DHX32: variants seen among roughly 807,000 people sequenced by gnomAD.
DHX32 encodes putative pre-mRNA-splicing factor ATP-dependent RNA helicase DHX32.
DHX32 carries 51 observed loss-of-function variants against 70.0 expected under a neutral mutation model. That is an observed-to-expected ratio of 0.73 (90% CI 0.58 to 0.92). The LOEUF (loss-of-function observed/expected upper bound fraction) is 0.92, where lower values mean the gene tolerates loss of function less well. Ranked by LOEUF, DHX32 falls within the 40% of genes least tolerant of loss-of-function variation. DHX32 has a pLI of 0.00. For synonymous variants in DHX32, 310 were observed against 315.3 expected (o/e 0.98, Z 0.18); for missense variants, 762 against 891.8 (o/e 0.85, Z 1.85).
chr10:125,843,477 T>C (rs1293898537), intron 6 of DHX32, among the ~76,000 whole-genome samples: 3 of 152,022 alleles, frequency 2.0e-5, no homozygotes, highest in Non-Finnish European at 2.9e-5. Flanking sequence ...CCGGGCGTGG[T>C]GGCAGGCGCC....
intron 2 of DHX32, among the ~76,000 whole-genome samples, chr10:125,861,185 T>A (rs988412346): frequency 6.6e-5 from 10 of 152,020 alleles, no homozygotes; most frequent in African/African-American, 2.4e-4. Context: ...GGAACTTAGA[T>A]TTGGGGAGGG....
chr10:125,855,729 C>T (rs537309838), intron 3 of DHX32, among the ~76,000 whole-genome samples: 1 of 152,158 alleles, frequency 6.6e-6, no homozygotes, highest in African/African-American at 2.4e-5. Flanking sequence ...GGATTACAGG[C>T]GTAAGCCACC....
chr10:125,852,632 G>A lies in DHX32; in HGVS notation c.1103C>T (p.Pro368Leu), dbSNP rs573673829. The change falls in exon 5 of 11, where the codon CCG becomes CTG. Residue 368 changes from proline to leucine, a missense_variant. This residue lies in a region of DHX32 where 394 missense variants were observed against 473.1 expected (regional missense o/e 0.83). Coordinates refer to ENST00000284690, the MANE Select transcript of DHX32 (RefSeq NM_018180.3). ...VGVERRKVYN[P>L]RIRANSLVMQ... ...GACGAGCGAGTTTGCTCTTATTCTC[G>A]GGTTGTACACCTTTAAATGGAAAGA... 94 of 1,610,234 alleles carry A rather than the reference G, an allele frequency of 5.8e-5. No individual in the cohort carries two copies. The highest frequency in any genetic ancestry group is 8.0e-5 in the Non-Finnish European group (94 of 1,178,894).
In DHX32 at chr10:125,859,672, TA is replaced by T. The variant is rs1944172936; in HGVS notation, c.779del (p.Leu260TyrfsTer17). 1.2e-6 allele frequency: 2 copies of T among 1,613,012 alleles called. No individual in the cohort carries two copies. The highest frequency in any genetic ancestry group is 4.5e-5 in the East Asian group (2 of 44,854). ...AGTGGTGAATTTCAAAGATAAGGCG[TA>T]AAATAGACTCAAAAGAATCCTTTTG... ...EAQKDSFESI[L>X]RLIFEIHHSG... On this transcript the variant is annotated frameshift_variant, in exon 3 of 11. Coordinates refer to ENST00000284690, the MANE Select transcript of DHX32 (RefSeq NM_018180.3). LOFTEE classifies it high-confidence loss of function.
At chr10:125,838,082 C>T in intron 10 of DHX32, 124 bp downstream of exon 10, 1 of 879,012 alleles carries the variant, frequency 1.1e-6, no homozygotes, top group African/African-American at 1.7e-5. Context: ...TAGGTACTGT[C>T]AACGTAAATT....
chr10:125,856,658 T>A (rs1416123212), intron 3 of DHX32, among the ~76,000 whole-genome samples: 3 of 152,026 alleles, frequency 2.0e-5, no homozygotes, highest in African/African-American at 7.2e-5. Context: ...ATATAAAAAA[T>A]GGCAGGGCTG....
At chr10:125,840,668 G>A (rs1854852397) in intron 8 of DHX32, among the ~76,000 whole-genome samples, 179 bp downstream of exon 8, 1 of 152,266 alleles carries the variant, frequency 6.6e-6, no homozygotes, top group African/African-American at 2.4e-5. Context: ...TGGGAGCAGG[G>A]GGACTGAGCA....
chr10:125,851,920 CAAAA>C lies in DHX32; in HGVS notation c.1351+369_1351+372del, dbSNP rs56380138. ...TGAGCAACAGAGCAAGACCCTGTCT[CAAAA>C]AAAAAAAAAAAAAAAAAGAAAAGAA... On this transcript the variant is annotated intron_variant, in intron 6 of 10. Transcript: ENST00000284690. Among the ~76,000 whole-genome samples, 321 of 86,766 alleles carry C rather than the reference CAAAA, an allele frequency of 3.7e-3. 1 individual carries two copies. Among genetic ancestry groups the C allele is most frequent in the Non-Finnish European group, 6.0e-3 (269 of 45,166 alleles). 56.9% of individuals were successfully genotyped at this position (86,766 alleles called of 152,430 possible). A position where few individuals can be genotyped will look rare whatever the true frequency, so the allele number is the denominator to read the frequency against.
chr10:125,841,800 C>T lies in DHX32; in HGVS notation c.1486G>A (p.Ala496Thr), dbSNP rs1854886871. 2 of 1,613,624 alleles carry T rather than the reference C, an allele frequency of 1.2e-6. No homozygotes were observed. The highest frequency in any genetic ancestry group is 1.7e-6 in the Non-Finnish European group (2 of 1,179,960). Residue 496 changes from alanine (A) to threonine (T), a missense_variant, in exon 7 of 11, where the codon GCG becomes ACG. This residue lies in a region of DHX32 where 366 missense variants were observed against 402.6 expected (regional missense o/e 0.91). Coordinates refer to ENST00000284690, the MANE Select transcript of DHX32 (RefSeq NM_018180.3). ...TCTACACAGTCAAATTCACAGGACG[C>T]TAAGATAGACTTCGAGAGTTGTGGA... Reference protein sequence around the residue: ...LDPQLSKSILASCEFDCVDEV... With the variant: ...LDPQLSKSILTSCEFDCVDEV...
chr10:125,864,820 C>G (rs1180740217), intron 2 of DHX32, among the ~76,000 whole-genome samples: 1 of 150,894 alleles, frequency 6.6e-6, no homozygotes, highest in Non-Finnish European at 1.5e-5. Context: ...GTCCCAGCTA[C>G]TTAGGAGGCT....
intron 1 of DHX32, among the ~76,000 whole-genome samples, chr10:125,892,911 T>C (rs1347221439): frequency 2.0e-5 from 3 of 152,302 alleles, no homozygotes; most frequent in Admixed American, 1.3e-4. Context: ...ATTAATGCAA[T>C]GACCCCTAAC....
In DHX32 at chr10:125,841,120, A is replaced by G. The variant is rs17153661; in HGVS notation, c.1544-124T>C. 2.1e-3 allele frequency: 2,911 copies of G among 1,361,914 alleles called. 158 individuals carry two copies. The East Asian group carries it at 0.066, about 31-fold the overall frequency. 84.4% of individuals were successfully genotyped at this position (1,361,914 alleles called of 1,614,324 possible). On this transcript the variant is annotated intron_variant, in intron 7 of 10. Coordinates refer to ENST00000284690, the MANE Select transcript of DHX32 (RefSeq NM_018180.3). Reference sequence around the variant, plus strand: ...TCCTGTCTTGGTACTCTGAATAAATATGTTATTCTTGTTTACTTAGAAATC... The same window carrying G: ...TCCTGTCTTGGTACTCTGAATAAATGTGTTATTCTTGTTTACTTAGAAATC...
intron 3 of DHX32, among the ~76,000 whole-genome samples, chr10:125,856,600 T>G (rs74704737): frequency 3.3e-3 from 500 of 152,282 alleles, no homozygotes; most frequent in African/African-American, 0.011. Flanking sequence ...CACTGCCGTT[T>G]CACCAAAATG....
chr10:125,886,158 C>T (rs542276284), upstream of DHX32, among the ~76,000 whole-genome samples: 1 of 152,276 alleles, frequency 6.6e-6, no homozygotes, highest in Non-Finnish European at 1.5e-5. Flanking sequence ...GGTGTTCACC[C>T]TTCTGTATGT....
chr10:125,844,065 T>C (rs1231663989), intron 6 of DHX32, among the ~76,000 whole-genome samples: 1 of 152,236 alleles, frequency 6.6e-6, no homozygotes, highest in Admixed American at 6.5e-5. Context: ...TACTTGTTCA[T>C]TCTTGGGGAC....
rs563230784 is a variant in DHX32, at chr10:125,841,501, TCATA to T, written c.1543+238_1543+241del. 6.0e-5 allele frequency: 87 copies of T among 1,449,514 alleles called. No homozygotes were observed. The African/African-American group carries it at 1.1e-3, about 19-fold the overall frequency. The allele number at this position is 1,449,514 out of a possible 1,614,324, so 89.8% of individuals were successfully genotyped here. ...TCAGCAAAAGAAATCTAGTATGTTT[TCATA>T]CATCTGATGTATAAATTTGCTGAAC... On this transcript the variant is annotated intron_variant, in intron 7 of 10. Transcript: ENST00000284690.
In DHX32 at chr10:125,849,405, T is replaced by G. The variant is rs115649527; in HGVS notation, c.1351+2888A>C. Among the ~76,000 whole-genome samples the G allele has an allele frequency of 4.6e-3, 706 of 152,342 alleles. 3 individuals carry two copies. The highest frequency in any genetic ancestry group is 0.016 in the African/African-American group (652 of 41,582). The stretch of plus-strand genomic sequence containing the variant: ...TTGTTTTCACTTTCTGTAACATTAT[T>G]TACTTTATTGTTTCCAAGATCCTCA... On this transcript the variant is annotated intron_variant, in intron 6 of 10. Transcript: ENST00000284690.
In DHX32 at chr10:125,852,573, G is replaced by T. The variant is rs961381093; in HGVS notation, c.1162C>A (p.Arg388Ser). ...GAAGATGAGCCAAGAATCTGCTTGC[G>T]TATCTCTGCCTGGCTCTGGCTGATG... The part of the protein sequence containing the change: ...QPISQSQAEI[R>S]KQILGSSSSG... The change falls in exon 5 of 11, where the codon CGC becomes AGC. Residue 388 changes from arginine to serine, a missense_variant. Around this residue, in one of 3 missense-constraint regions of DHX32, gnomAD observed 394 missense variants for 473.1 expected, o/e 0.83. Coordinates refer to ENST00000284690, the MANE Select transcript of DHX32 (RefSeq NM_018180.3). The T allele has an allele frequency of 6.2e-7, 1 of 1,613,804 alleles. No homozygotes were observed. The highest frequency in any genetic ancestry group is 1.1e-5 in the South Asian group (1 of 91,008).
At chr10:125,892,064 C>A (rs551791404) in intron 1 of DHX32, among the ~76,000 whole-genome samples, 31 of 152,278 alleles carry the variant, frequency 2.0e-4, no homozygotes, top group Admixed American at 1.7e-3. Flanking sequence ...ATATGACAGG[C>A]ATCTCAAACT....
Sources: allele counts gnomAD v4.1 joint callset (sites outside exome capture counted in the v4.1 genomes callset), GRCh38; gene constraint gnomAD v4.1.1; regional missense constraint gnomAD v4.1.1; transcripts MANE v1.5; gene names NCBI Gene and HGNC (gene_info 2026-07-23, HGNC 2026-07-21).